The following ASRGL1 variants were observed in gnomAD, a reference collection of about 807,000 sequenced individuals.
ASRGL1 encodes the protein isoaspartyl peptidase/L-asparaginase.
Under a neutral mutation model 22.4 loss-of-function variants are expected in ASRGL1, and 16 were observed. That is an observed-to-expected ratio of 0.71 (90% CI 0.48 to 1.08). The LOEUF (loss-of-function observed/expected upper bound fraction) is 1.08. ASRGL1 is among the 50% of genes least tolerant of loss of function. The pLI is 0.00. For synonymous variants in ASRGL1, 165 were observed against 159.3 expected (o/e 1.04, Z -0.27); for missense variants, 412 against 410.1 (o/e 1.00, Z -0.04).
chr11:62,365,426 C>T (rs1416502101), intron 4 of ASRGL1, among the ~76,000 whole-genome samples: 14 of 150,450 alleles, frequency 9.3e-5, no homozygotes, highest in African/African-American at 2.7e-4. Context: ...TGGTGGTGGG[C>T]GCCTGTAATC....
Position 62,357,034 on chromosome 11 carries a change from A to T in ASRGL1, c.381A>T (p.Ala127=), listed in dbSNP as rs775939197. 15 of 1,613,968 alleles carry T rather than the reference A, an allele frequency of 9.3e-6. No homozygotes were observed. The South Asian group carries it at 1.4e-4, about 15-fold the overall frequency. The change falls in exon 4 of 7, where the codon GCA becomes GCT. Residue 127 remains alanine, a synonymous_variant. Transcript: ENST00000415229. ...LTDQGAAQFA[A]AMGVPEIPGE... Reference sequence around the variant, plus strand: ...ACCAAGGCGCAGCGCAGTTTGCAGCAGCTATGGGGGTTCCAGAGATTCCTG... The same window carrying T: ...ACCAAGGCGCAGCGCAGTTTGCAGCTGCTATGGGGGTTCCAGAGATTCCTG...
chr11:62,348,523 C>G (rs183366441), intron 2 of ASRGL1, among the ~76,000 whole-genome samples: 2 of 151,784 alleles, frequency 1.3e-5, no homozygotes, highest in East Asian at 3.9e-4. Context: ...GGCCAACATG[C>G]GAAACCCCGT....
In ASRGL1 at chr11:62,357,111, A is replaced by G. The variant is rs1946318844; in HGVS notation, c.458A>G (p.His153Arg). 15 of 1,613,998 alleles carry G rather than the reference A, an allele frequency of 9.3e-6. No individual in the cohort carries two copies. Among genetic ancestry groups the G allele is most frequent in the East Asian group, 6.7e-5 (3 of 44,894 alleles). The stretch of plus-strand genomic sequence containing the variant: ...AAAAAGCGCCTGGAAAAAGAGAAGC[A>G]TGAAAAAGGTGCTCAGAAAACAGAT... Reference protein sequence around the residue: ...RNKKRLEKEKHEKGAQKTDCQ... With the variant: ...RNKKRLEKEKREKGAQKTDCQ... The change falls in exon 4 of 7, where the codon CAT becomes CGT. Residue 153 changes from histidine to arginine, a missense_variant. By Grantham distance (29) the His-to-Arg change is conservative (BLOSUM62 0). Transcript: ENST00000415229.
chr11:62,362,562 T>TTATATAATATATATTATATAAAATA (rs1946475466), intron 4 of ASRGL1, among the ~76,000 whole-genome samples: 10 of 24,560 alleles, frequency 4.1e-4, no homozygotes, highest in East Asian at 1.7e-3. Context: ...CATATATTAT[T>TTATATAATATATATTATATAAAATA]TATATAATAT....
intron 4 of ASRGL1, among the ~76,000 whole-genome samples, chr11:62,366,620 T>A (rs1270425530): frequency 1.3e-5 from 2 of 151,728 alleles, no homozygotes; most frequent in Admixed American, 1.3e-4. Flanking sequence ...CACTCATTTT[T>A]TCCTTTGAAT....
rs368738384 is a variant in ASRGL1 at position 62,384,970 on chromosome 11, T to C, written c.492-4163T>C. 8.7e-3 allele frequency among the ~76,000 whole-genome samples: 1,151 copies of C among 132,260 alleles called. 13 individuals carry two copies. The highest frequency in any genetic ancestry group is 0.028 in the African/African-American group (979 of 35,086). 86.8% of individuals were successfully genotyped at this position (132,260 alleles called of 152,430 possible). Reference sequence around the variant, plus strand: ...CAGTGAAACATATATACAAGAAAAATACCGATTTTTCAAGATACATTTACC... The same window carrying C: ...CAGTGAAACATATATACAAGAAAAACACCGATTTTTCAAGATACATTTACC... On this transcript the variant is annotated intron_variant, in intron 4 of 6. Coordinates refer to ENST00000415229, the MANE Select transcript of ASRGL1 (RefSeq NM_001083926.2).
chr11:62,341,766 A>T (rs913521181), intron 2 of ASRGL1, among the ~76,000 whole-genome samples: 4 of 152,184 alleles, frequency 2.6e-5, no homozygotes, highest in Non-Finnish European at 5.9e-5. Flanking sequence ...ACATATAGTC[A>T]TGTAACTGCC....
At chr11:62,397,988 C>T (rs1348840438), downstream of ASRGL1, among the ~76,000 whole-genome samples, 4 of 152,004 alleles carry the variant, frequency 2.6e-5, no homozygotes, top group African/African-American at 4.8e-5. Flanking sequence ...GGCCCCTCGG[C>T]GTCGCATCTT....
intron 2 of ASRGL1, among the ~76,000 whole-genome samples, chr11:62,340,015 ACTTTGGAAAG>A: frequency 6.6e-6 from 1 of 151,968 alleles, no homozygotes; most frequent in East Asian, 1.9e-4. Context: ...TAATCCCAGC[ACTTTGGAAAG>A]CTGAGGTGGG....
chr11:62,374,504 G>A (rs1946861886), intron 4 of ASRGL1, among the ~76,000 whole-genome samples: 1 of 152,158 alleles, frequency 6.6e-6, no homozygotes, highest in Non-Finnish European at 1.5e-5. Context: ...TGAGATTTGG[G>A]TGGATGGGAA....
intron 4 of ASRGL1, among the ~76,000 whole-genome samples, chr11:62,358,607 TA>T (rs1329530783): frequency 6.6e-6 from 1 of 152,178 alleles, no homozygotes; most frequent in Admixed American, 6.5e-5. Flanking sequence ...CCCTGCACTT[TA>T]AAGGACCCTC....
intron 2 of ASRGL1, among the ~76,000 whole-genome samples, chr11:62,338,672 A>G (rs1458241736): frequency 6.6e-6 from 1 of 152,172 alleles, no homozygotes; most frequent in Admixed American, 6.5e-5. Flanking sequence ...ACGGTGGCTC[A>G]CGCCTGTAAT....
downstream of ASRGL1, among the ~76,000 whole-genome samples, chr11:62,394,615 G>A (rs886130830): frequency 2.0e-5 from 3 of 152,004 alleles, no homozygotes; most frequent in Non-Finnish European, 4.4e-5. Context: ...GAGGGAGCTG[G>A]GGGATAGGGA....
At chr11:62,370,996 G>A (rs1946744742) in intron 4 of ASRGL1, 1 of 429,746 alleles carries the variant, frequency 2.3e-6, no homozygotes, top group African/African-American at 2.1e-5. Flanking sequence ...AAACATCCTG[G>A]CGCATTTTTA....
chr11:62,371,009 T>G, intron 4 of ASRGL1: 1 of 439,462 alleles, frequency 2.3e-6, no homozygotes, highest in Non-Finnish European at 4.0e-6. Flanking sequence ...CATTTTTAAG[T>G]GTATCTGAGT....
intron 2 of ASRGL1, among the ~76,000 whole-genome samples, chr11:62,344,407 A>G (rs1012825780): frequency 2.0e-5 from 3 of 151,976 alleles, no homozygotes; most frequent in Non-Finnish European, 4.4e-5. Flanking sequence ...GAAGTTCTCA[A>G]CTTTGCAGAA....
intron 4 of ASRGL1, among the ~76,000 whole-genome samples, chr11:62,368,918 GTTTT>G (rs1185201882): frequency 6.6e-6 from 1 of 152,138 alleles, no homozygotes; most frequent in Non-Finnish European, 1.5e-5. Flanking sequence ...ATACAATCGG[GTTTT>G]ACACCCGAGA....
intron 2 of ASRGL1, 46 bp downstream of exon 2, chr11:62,338,213 T>G (rs1565149335): frequency 6.8e-7 from 1 of 1,465,626 alleles, no homozygotes; most frequent in Non-Finnish European, 9.1e-7. Flanking sequence ...CAGGTCAAGC[T>G]CCTTCTTCAG....
downstream of ASRGL1, among the ~76,000 whole-genome samples, chr11:62,393,636 G>A (rs1947391353): frequency 6.6e-6 from 1 of 152,292 alleles, no homozygotes; most frequent in African/African-American, 2.4e-5. Context: ...TCTTCCTGCA[G>A]TTTGCCAGCA....
Sources: allele counts gnomAD v4.1 joint callset (sites outside exome capture counted in the v4.1 genomes callset), GRCh38; gene constraint gnomAD v4.1.1; transcripts MANE v1.5; gene names NCBI Gene and HGNC (gene_info 2026-07-23, HGNC 2026-07-21).